The following INPP5F variants were observed in gnomAD, a reference collection of about 807,000 sequenced individuals.
The protein encoded by INPP5F is inositol polyphosphate-5-phosphatase F.
A neutral mutation model predicts 137.2 loss-of-function variants in INPP5F; 97 were observed. The ratio of observed to expected loss-of-function variants is 0.71; its 90% CI spans 0.60 to 0.84. The LOEUF (loss-of-function observed/expected upper bound fraction) is 0.84. Ranked by LOEUF, INPP5F falls within the 40% of genes least tolerant of loss-of-function variation. INPP5F has a pLI of 0.00. For missense variants in INPP5F, 1,271 were observed against 1,371.9 expected (o/e 0.93, Z 1.16); for synonymous variants, 504 against 476.9 (o/e 1.06, Z -0.74).
intron 2 of INPP5F, among the ~76,000 whole-genome samples, chr10:119,780,910 T>G (rs569009534): frequency 6.6e-6 from 1 of 152,306 alleles, no homozygotes; most frequent in East Asian, 1.9e-4. Context: ...TGAGCATCCG[T>G]GGAGTTTGGT....
chr10:119,749,810 G>T lies in INPP5F; in HGVS notation c.98-1266G>T, dbSNP rs140311355. Among the ~76,000 whole-genome samples, 586 of 152,128 alleles carry T rather than the reference G, an allele frequency of 3.9e-3. 2 individuals carry two copies. Among genetic ancestry groups the T allele is most frequent in the Admixed American group, 6.3e-3 (96 of 15,278 alleles). Reference sequence around the variant, plus strand: ...TAATTCTTGCAATAAAAACAGTATCGCACTGTTGCCTGGGCTGGAGTGCCG... The same window carrying T: ...TAATTCTTGCAATAAAAACAGTATCTCACTGTTGCCTGGGCTGGAGTGCCG... On this transcript the variant is annotated intron_variant, in intron 1 of 19. Coordinates refer to ENST00000650623, the MANE Select transcript of INPP5F (RefSeq NM_014937.4).
At chr10:119,793,914 G>A (rs1286408993) in intron 6 of INPP5F, among the ~76,000 whole-genome samples, 2 of 152,094 alleles carry the variant, frequency 1.3e-5, no homozygotes, top group African/African-American at 4.8e-5. Context: ...TAAAGTGCTG[G>A]GATTACAGGC....
intron 2 of INPP5F, among the ~76,000 whole-genome samples, chr10:119,775,563 C>T (rs894730073): frequency 6.6e-6 from 1 of 152,150 alleles, no homozygotes; most frequent in Non-Finnish European, 1.5e-5. Context: ...TGGTGCCCAG[C>T]CTCAAATAGA....
In INPP5F at chr10:119,810,173, A is replaced by G. The variant is rs1850970638; in HGVS notation, c.1643A>G (p.Tyr548Cys). The G allele has an allele frequency of 6.2e-7, 1 of 1,612,852 alleles. No individual in the cohort carries two copies. The highest frequency in any genetic ancestry group is 8.5e-7 in the Non-Finnish European group (1 of 1,178,974). Residue 548 changes from tyrosine (Y) to cysteine (C), a missense_variant, in exon 14 of 20, where the codon TAT (tyrosine) becomes TGT (cysteine). Physicochemically the swap from Tyr to Cys is radical, Grantham distance 194 (BLOSUM62 -2). Around this residue, in one of 6 missense-constraint regions of INPP5F, gnomAD observed 593 missense variants for 712.4 expected, o/e 0.83. Transcript: ENST00000650623. ...MKDGVNSANR[Y>C]YLNRFKDAYR... is the part of the protein sequence containing the mutation. Reference sequence around the variant, plus strand: ...GATGGAGTGAACTCAGCAAACAGATATTACCTCAACCGATTTAAGGATGCT... The same window carrying G: ...GATGGAGTGAACTCAGCAAACAGATGTTACCTCAACCGATTTAAGGATGCT...
rs943737089 is a variant in INPP5F at position 119,807,013 on chromosome 10, A to G, written c.1440+533A>G. 3.3e-5 allele frequency among the ~76,000 whole-genome samples: 5 copies of G among 151,962 alleles called. No individual in the cohort carries two copies. The South Asian group carries it at 6.2e-4, about 19-fold the overall frequency. On this transcript the variant is annotated intron_variant, in intron 12 of 19. Coordinates refer to ENST00000650623, the MANE Select transcript of INPP5F (RefSeq NM_014937.4). ...AGGCTGGGCGCAGTGGCTCATGCCT[A>G]TAATCCAAGCACTTTGGGAGGCTGA... is the stretch of plus-strand genomic sequence containing the variant.
In INPP5F at chr10:119,781,701, A is replaced by G. The variant is rs1013158395; in HGVS notation, c.245A>G (p.Glu82Gly). 1.2e-6 allele frequency: 2 copies of G among 1,612,064 alleles called. No homozygotes were observed. Among genetic ancestry groups the G allele is most frequent in the Non-Finnish European group, 8.5e-7 (1 of 1,178,342 alleles). The change falls in exon 3 of 20, where the codon GAG (glutamate) becomes GGG (glycine). Residue 82 changes from glutamate to glycine, a missense_variant. This residue lies in a region of INPP5F where 109 missense variants were observed against 105.1 expected (regional missense o/e 1.04). Coordinates refer to ENST00000650623, the MANE Select transcript of INPP5F (RefSeq NM_014937.4). ...GTGGGCAAACTCCCAGGAGACCATG[A>G]GGTCTGTAAAGTTACCAAAATTGCT... Reference protein sequence around the residue: ...ALVGKLPGDHEVCKVTKIAVL... With the variant: ...ALVGKLPGDHGVCKVTKIAVL...
chr10:119,763,741 AT>A (rs1564814815), intron 2 of INPP5F, among the ~76,000 whole-genome samples: 1 of 152,094 alleles, frequency 6.6e-6, no homozygotes, highest in African/African-American at 2.4e-5. Context: ...GTTCTACTTC[AT>A]TTTTGCTTAA....
chr10:119,758,993 GCATGC>G (rs1302025252), intron 2 of INPP5F, among the ~76,000 whole-genome samples: 1 of 152,142 alleles, frequency 6.6e-6, no homozygotes, highest in Non-Finnish European at 1.5e-5. Context: ...TTGTTTTAGT[GCATGC>G]CTTAAAAGCC....
At chr10:119,742,616 A>G (rs1200510343) in intron 1 of INPP5F, among the ~76,000 whole-genome samples, 2 of 152,208 alleles carry the variant, frequency 1.3e-5, no homozygotes, top group African/African-American at 2.4e-5. Context: ...ACCTGGGATG[A>G]TGGTGGTGAG....
At chr10:119,780,251 C>T (rs368869249) in intron 2 of INPP5F, among the ~76,000 whole-genome samples, 39 of 151,808 alleles carry the variant, frequency 2.6e-4, no homozygotes, top group Admixed American at 7.9e-4. Flanking sequence ...GTAGTACACT[C>T]TAGGTATTCT....
chr10:119,800,912 T>C (rs1298628726), intron 9 of INPP5F, among the ~76,000 whole-genome samples: 2 of 139,250 alleles, frequency 1.4e-5, no homozygotes, highest in Non-Finnish European at 3.0e-5. Context: ...ATCATACCAC[T>C]GTGCTCCAGC....
At chr10:119,759,175 G>A (rs568272841) in intron 2 of INPP5F, among the ~76,000 whole-genome samples, 85 of 152,210 alleles carry the variant, frequency 5.6e-4, no homozygotes, top group African/African-American at 2.0e-3. Flanking sequence ...ACGTACCACC[G>A]TGCCCAGCTA....
At chr10:119,772,320 C>CA (rs1393439411) in intron 2 of INPP5F, among the ~76,000 whole-genome samples, 1 of 152,002 alleles carries the variant, frequency 6.6e-6, no homozygotes, top group African/African-American at 2.4e-5. Context: ...ATAGTAAGGA[C>CA]AAGTGGGGAT....
In INPP5F at chr10:119,791,887, AAGG is replaced by A; in HGVS notation, c.466_468del (p.Glu156del). 6.2e-7 allele frequency: 1 copy of A among 1,607,974 alleles called. No individual in the cohort carries two copies. Among genetic ancestry groups the A allele is most frequent in the East Asian group, 2.2e-5 (1 of 44,758 alleles). On this transcript the variant is annotated inframe_deletion, in exon 5 of 20. Coordinates refer to ENST00000650623, the MANE Select transcript of INPP5F (RefSeq NM_014937.4). ...CTTATAGGTTAAGGAAAGTAAAGAG[AAGG>A]AGAAGTTGGAGAGGAGATTACTTGA...
At chr10:119,823,472 T>C (rs970931302) in intron 18 of INPP5F, among the ~76,000 whole-genome samples, 19 of 152,362 alleles carry the variant, frequency 1.2e-4, no homozygotes, top group Admixed American at 1.1e-3. Context: ...GTCAAGGCTC[T>C]TCACATGTCA....
rs376561280 is a variant in INPP5F, at chr10:119,764,015, C to T, written c.178+12859C>T. On this transcript the variant is annotated intron_variant, in intron 2 of 19. Transcript: ENST00000650623. Reference sequence around the variant, plus strand: ...TGAGACTTCATCAGAATGCTCTTCACGGTTCATGTTTTCTACTGACATTCT... The same window carrying T: ...TGAGACTTCATCAGAATGCTCTTCATGGTTCATGTTTTCTACTGACATTCT... Among the ~76,000 whole-genome samples, 10 of 152,286 alleles carry T rather than the reference C, an allele frequency of 6.6e-5. No homozygotes were observed. The East Asian group carries it at 1.2e-3, about 18-fold the overall frequency.
At chr10:119,729,157 C>A (rs541816619) in intron 1 of INPP5F, among the ~76,000 whole-genome samples, 3 of 151,648 alleles carry the variant, frequency 2.0e-5, no homozygotes, top group Admixed American at 6.6e-5. Context: ...AAGGGCGGGG[C>A]GGGCAGTGGA....
chr10:119,739,604 T>C (rs1848315788), intron 1 of INPP5F, among the ~76,000 whole-genome samples: 1 of 152,196 alleles, frequency 6.6e-6, no homozygotes, highest in African/African-American at 2.4e-5. Flanking sequence ...GATGGAGGGA[T>C]TCAGACTTAA....
intron 15 of INPP5F, among the ~76,000 whole-genome samples, chr10:119,817,663 C>T (rs1371792735): frequency 1.3e-5 from 2 of 151,868 alleles, no homozygotes; most frequent in South Asian, 2.1e-4. Flanking sequence ...TGTATTCAAA[C>T]GCTTTGCCAA....
Sources: allele counts gnomAD v4.1 joint callset (sites outside exome capture counted in the v4.1 genomes callset), GRCh38; gene constraint gnomAD v4.1.1; regional missense constraint gnomAD v4.1.1; transcripts MANE v1.5; gene names NCBI Gene and HGNC (gene_info 2026-07-23, HGNC 2026-07-21).